The following CNTNAP4 variants were observed in gnomAD, a reference collection of about 807,000 sequenced individuals.
CNTNAP4 encodes contactin associated protein family member 4.
In CNTNAP4, 98 loss-of-function variants were observed where a neutral mutation model predicts 148.4. The ratio of observed to expected loss-of-function variants is 0.66; its 90% CI spans 0.56 to 0.78. The LOEUF (loss-of-function observed/expected upper bound fraction) is 0.78. Among genes scored for constraint, CNTNAP4 ranks in the 30% least tolerant of loss-of-function variants. CNTNAP4 has a pLI of 0.00. For synonymous variants in CNTNAP4, 730 were observed against 565.1 expected (o/e 1.29, Z -4.14); for missense variants, 1,935 against 1,565.6 (o/e 1.24, Z -3.98).
chr16:76,470,479 A>ACTT (rs2081323969), intron 10 of CNTNAP4, among the ~76,000 whole-genome samples: 1 of 45,376 alleles, frequency 2.2e-5, no homozygotes, highest in Non-Finnish European at 4.9e-5. Flanking sequence ...CGTCTCTACT[A>ACTT]ATAATATATA....
Position 76,558,804 on chromosome 16 carries a change from T to G in CNTNAP4, c.*121T>G, listed in dbSNP as rs144844225. 176 of 712,556 alleles carry G rather than the reference T, an allele frequency of 2.5e-4. No homozygotes were observed. In the African/African-American group the frequency reaches 2.8e-3, roughly 12 times the overall value. The allele number at this position is 712,556 out of a possible 1,614,324, so 44.1% of individuals were successfully genotyped here. A position where few individuals can be genotyped will look rare whatever the true frequency, so the allele number is the denominator to read the frequency against. ...GCAGTGGGCTTGCAGCACTGCCATC[T>G]TGCCATGTACAGGCTTGGGGTGGCT... On this transcript the variant is annotated 3_prime_UTR_variant, in exon 24 of 24. Coordinates refer to ENST00000611870, the MANE Select transcript of CNTNAP4 (RefSeq NM_033401.5).
intron 2 of CNTNAP4, among the ~76,000 whole-genome samples, chr16:76,339,154 A>C (rs971779184): frequency 1.3e-4 from 19 of 151,632 alleles, no homozygotes; most frequent in Admixed American, 2.6e-4. Flanking sequence ...ATGCTTTGCT[A>C]TGAAAGGTGG....
chr16:76,535,935 C>T (rs530371161), intron 18 of CNTNAP4, among the ~76,000 whole-genome samples, 151 bp downstream of exon 18: 6 of 152,238 alleles, frequency 3.9e-5, no homozygotes, highest in African/African-American at 1.4e-4. Context: ...AGAATGAGTA[C>T]AAGATCCTGG....
At chr16:76,279,833 A>G (rs927156888) in intron 1 of CNTNAP4, among the ~76,000 whole-genome samples, 2 of 152,082 alleles carry the variant, frequency 1.3e-5, no homozygotes, top group Non-Finnish European at 1.5e-5. Context: ...CTCAATTTCT[A>G]TTTCATTTTT....
intron 21 of CNTNAP4, among the ~76,000 whole-genome samples, chr16:76,549,282 A>C (rs1308879951): frequency 6.6e-6 from 1 of 152,122 alleles, no homozygotes; most frequent in Non-Finnish European, 1.5e-5. Context: ...TCTGTTTCTC[A>C]AGGTGCTAAG....
At chr16:76,351,540 G>T (rs1042380341) in intron 2 of CNTNAP4, among the ~76,000 whole-genome samples, 1 of 152,152 alleles carries the variant, frequency 6.6e-6, no homozygotes, top group African/African-American at 2.4e-5. Flanking sequence ...TTAAAACCCG[G>T]TAGAGATATT....
chr16:76,538,027 T>C (rs1323003828), intron 18 of CNTNAP4, 89 bp from the exon 19 acceptor site: 3 of 541,032 alleles, frequency 5.5e-6, no homozygotes, highest in Middle Eastern at 5.7e-4. Flanking sequence ...ATGCAATTCA[T>C]TAAAGAAACT....
intron 4 of CNTNAP4, among the ~76,000 whole-genome samples, chr16:76,439,775 T>C (rs1462691620): frequency 6.6e-6 from 1 of 152,154 alleles, no homozygotes; most frequent in East Asian, 1.9e-4. Flanking sequence ...TTCCTTTTTA[T>C]TGTATTAATT....
intron 1 of CNTNAP4, among the ~76,000 whole-genome samples, chr16:76,312,908 G>C (rs1232703506): frequency 1.3e-5 from 2 of 152,122 alleles, no homozygotes; most frequent in Non-Finnish European, 2.9e-5. Context: ...ATGTGTCTTA[G>C]TTATTATTAG....
chr16:76,343,459 C>T (rs948531970), intron 2 of CNTNAP4, among the ~76,000 whole-genome samples: 1 of 152,168 alleles, frequency 6.6e-6, no homozygotes, highest in Non-Finnish European at 1.5e-5. Context: ...AAAACCCTGA[C>T]TGATCTTTTT....
At chr16:76,469,917 A>G (rs1337719149) in intron 10 of CNTNAP4, among the ~76,000 whole-genome samples, 1 of 152,154 alleles carries the variant, frequency 6.6e-6, no homozygotes, top group Non-Finnish European at 1.5e-5. Flanking sequence ...AAGAAGATGT[A>G]TATTTAGTTT....
intron 17 of CNTNAP4, among the ~76,000 whole-genome samples, chr16:76,534,527 A>C (rs2084131384): frequency 6.6e-6 from 1 of 152,148 alleles, no homozygotes; most frequent in South Asian, 2.1e-4. Flanking sequence ...TCCCGCTTCA[A>C]GTTCTGAGCA....
At chr16:76,408,957 A>C (rs868031580) in intron 3 of CNTNAP4, among the ~76,000 whole-genome samples, 1 of 152,160 alleles carries the variant, frequency 6.6e-6, no homozygotes. Context: ...TCCTATTCTT[A>C]CAGAGCCATG....
At chr16:76,512,203 T>C (rs2144011413) in intron 15 of CNTNAP4, among the ~76,000 whole-genome samples, 1 of 152,218 alleles carries the variant, frequency 6.6e-6, no homozygotes, top group African/African-American at 2.4e-5. Context: ...TCAGGAAAGA[T>C]TTTGAAAATC....
intron 3 of CNTNAP4, among the ~76,000 whole-genome samples, chr16:76,396,761 C>T (rs191530085): frequency 2.0e-5 from 3 of 152,310 alleles, no homozygotes; most frequent in Non-Finnish European, 2.9e-5. Context: ...GCACACACAT[C>T]GCTGACTGTT....
At chr16:76,389,616 A>G (rs1392712280) in intron 3 of CNTNAP4, among the ~76,000 whole-genome samples, 2 of 151,870 alleles carry the variant, frequency 1.3e-5, no homozygotes, top group Non-Finnish European at 2.9e-5. Flanking sequence ...ACCAAGCCCA[A>G]CTATTTTTTT....
intron 3 of CNTNAP4, among the ~76,000 whole-genome samples, chr16:76,358,573 G>C (rs544237994): frequency 1.3e-5 from 2 of 152,178 alleles, no homozygotes; most frequent in Non-Finnish European, 2.9e-5. Flanking sequence ...ATTTTATGAA[G>C]CTGGAAAGGT....
chr16:76,436,179 G>C (rs1008650054), intron 4 of CNTNAP4, among the ~76,000 whole-genome samples: 2 of 152,052 alleles, frequency 1.3e-5, no homozygotes, highest in Non-Finnish European at 2.9e-5. Context: ...AGGCAGCGCA[G>C]GGTTTATCTC....
At chr16:76,420,279 A>ATATTAGAATAATGCATATTCTGTAG in intron 3 of CNTNAP4, among the ~76,000 whole-genome samples, 1 of 150,322 alleles carries the variant, frequency 6.7e-6, no homozygotes, top group East Asian at 2.0e-4. Context: ...TATAGGAGAT[A>ATATTAGAATAATGCATATTCTGTAG]AATATTAATT....
Sources: gnomAD v4.1 joint callset for allele counts (sites outside exome capture counted in the v4.1 genomes callset) on GRCh38, gnomAD v4.1.1 for gene constraint, MANE v1.5 for transcripts, NCBI Gene and HGNC (gene_info 2026-07-23, HGNC 2026-07-21) for gene names.